The following NRCAM variants were observed in gnomAD, a reference collection of about 807,000 sequenced individuals.
The protein encoded by NRCAM is neuronal cell adhesion molecule, also known as NgCAM-related cell adhesion molecule.
In NRCAM, 83 loss-of-function variants were observed where a neutral mutation model predicts 156.5. The ratio of observed to expected loss-of-function variants is 0.53; its 90% confidence interval spans 0.44 to 0.64. The LOEUF (loss-of-function observed/expected upper bound fraction) is 0.64, where lower values mean the gene tolerates loss of function less well. NRCAM is among the 30% of genes least tolerant of loss of function. The probability of loss-of-function intolerance (pLI) is 0.00; values close to 1 mark genes in which losing one functional copy is unlikely to be tolerated. For missense variants in NRCAM, 1,417 were observed against 1,597.3 expected (o/e 0.89, Z 1.92); for synonymous variants, 538 against 563.9 (o/e 0.95, Z 0.65).
At chr7:108,374,494 A>G (rs559335723) in intron 2 of NRCAM, among the ~76,000 whole-genome samples, 10 of 152,274 alleles carry the variant, frequency 6.6e-5, no homozygotes, top group African/African-American at 2.4e-4. Flanking sequence ...TGTTCCCAGA[A>G]TGAACAACAG....
intron 3 of NRCAM, among the ~76,000 whole-genome samples, chr7:108,302,168 C>A (rs2098635725): frequency 6.6e-6 from 1 of 152,046 alleles, no homozygotes; most frequent in South Asian, 2.1e-4. Context: ...GTTATTGCTT[C>A]AAAAAATGTT....
intron 2 of NRCAM, among the ~76,000 whole-genome samples, chr7:108,325,831 G>A (rs2099062911): frequency 6.6e-6 from 1 of 152,026 alleles, no homozygotes. Flanking sequence ...AGAGTGATCA[G>A]ATAAGTGTTA....
Position 108,439,706 on chromosome 7 carries a change from T to C in NRCAM, c.-332+16537A>G, listed in dbSNP as rs187523039. Among the ~76,000 whole-genome samples the C allele has an allele frequency of 1.6e-3, 236 of 151,894 alleles. 1 individual carries two copies. The Middle Eastern group carries it at 0.024, about 15-fold the overall frequency. On this transcript the variant is annotated intron_variant, in intron 1 of 32. Transcript: ENST00000379028. ...AAAATTAGCTGGCTGTGGTGGTGCA[T>C]GCCTGTAATCCCAGCTACTAGGGAG...
intron 2 of NRCAM, among the ~76,000 whole-genome samples, chr7:108,392,547 C>T (rs1006951851): frequency 2.6e-5 from 4 of 152,038 alleles, no homozygotes; most frequent in Admixed American, 6.6e-5. Context: ...GAAGTTTGAT[C>T]GTCTGAAGCC....
chr7:108,349,195 G>A (rs539059185), intron 2 of NRCAM, among the ~76,000 whole-genome samples: 24 of 152,070 alleles, frequency 1.6e-4, no homozygotes, highest in Non-Finnish European at 2.6e-4. Context: ...ACTGCTCTGA[G>A]CCTCTCAGCA....
intron 2 of NRCAM, among the ~76,000 whole-genome samples, chr7:108,343,847 A>G (rs1393210440): frequency 1.3e-5 from 2 of 152,196 alleles, no homozygotes; most frequent in African/African-American, 4.8e-5. Context: ...ACTACACACC[A>G]TACATTTCAA....
intron 1 of NRCAM, among the ~76,000 whole-genome samples, chr7:108,431,441 A>G (rs1289163750): frequency 1.3e-5 from 2 of 152,216 alleles, no homozygotes; most frequent in Non-Finnish European, 2.9e-5. Context: ...AGTTTTGATC[A>G]TGATTCATAA....
intron 2 of NRCAM, chr7:108,313,365 TAA>T (rs1330561673): frequency 6.6e-6 from 1 of 152,184 alleles, no homozygotes; most frequent in Non-Finnish European, 1.5e-5. Context: ...CTGAGCACAT[TAA>T]GTTTCATTTT....
Position 108,231,169 on chromosome 7 carries a change from A to G in NRCAM, c.428-16T>C. On this transcript the variant is annotated splice_polypyrimidine_tract_variant and intron_variant, in intron 7 of 32. Transcript: ENST00000379028. ...AATGGTGATCCTATTAAATAAAAAA[A>G]TAACTTCTCAGTTATTTCTGCATTG... is the stretch of plus-strand genomic sequence containing the variant. The G allele has an allele frequency of 6.4e-7, 1 of 1,557,984 alleles. No homozygotes were observed. Among genetic ancestry groups the G allele is most frequent in the Non-Finnish European group, 8.6e-7 (1 of 1,159,002 alleles).
At position 108,209,573 on chromosome 7, in the gene NRCAM, T is replaced by C. The variant is rs1214050543; in HGVS notation, c.923A>G (p.Asp308Gly). ...TGTCCTGTTTTTGGGTAGCATTCCA[T>C]CTTCCTTTGCCCAGTAAATAATTGG... ...PTPIIYWAKEDGMLPKNRTVY... is the reference protein window; with the variant it reads ...PTPIIYWAKEGGMLPKNRTVY... Residue 308 changes from aspartate to glycine, a missense_variant, in exon 12 of 33, where the codon GAT (aspartate) becomes GGT (glycine). Physicochemically the swap from Asp to Gly is moderately conservative, Grantham distance 94. This residue lies in a region of NRCAM where 1,238 missense variants were observed against 1,336.4 expected (regional missense o/e 0.93). Coordinates refer to ENST00000379028, the MANE Select transcript of NRCAM (RefSeq NM_001037132.4). 6.2e-7 allele frequency: 1 copy of C among 1,610,794 alleles called. No homozygotes were observed. The highest frequency in any genetic ancestry group is 8.5e-7 in the Non-Finnish European group (1 of 1,178,952).
intron 3 of NRCAM, among the ~76,000 whole-genome samples, chr7:108,248,635 G>A (rs2096125831): frequency 6.6e-6 from 1 of 152,094 alleles, no homozygotes; most frequent in Admixed American, 6.5e-5. Flanking sequence ...TGACAGAGGT[G>A]CCACCATTTT....
At chr7:108,353,638 T>A (rs2099447816) in intron 2 of NRCAM, among the ~76,000 whole-genome samples, 1 of 152,246 alleles carries the variant, frequency 6.6e-6, no homozygotes, top group East Asian at 1.9e-4. Context: ...TTCTTCTGTA[T>A]GATTTATTGT....
At chr7:108,348,045 T>C (rs2099381590) in intron 2 of NRCAM, among the ~76,000 whole-genome samples, 1 of 152,250 alleles carries the variant, frequency 6.6e-6, no homozygotes, top group Admixed American at 6.5e-5. Flanking sequence ...CAGCATTCTG[T>C]ATTCATCTTT....
chr7:108,455,183 G>C (rs1476495391), intron 1 of NRCAM, among the ~76,000 whole-genome samples: 1 of 152,118 alleles, frequency 6.6e-6, no homozygotes, highest in Non-Finnish European at 1.5e-5. Context: ...CGACTCCCTT[G>C]CTCACCCTAC....
intron 3 of NRCAM, among the ~76,000 whole-genome samples, chr7:108,257,257 T>C (rs2096720826): frequency 6.6e-6 from 1 of 152,154 alleles, no homozygotes; most frequent in Non-Finnish European, 1.5e-5. Context: ...TCATGTTCTG[T>C]AGCTAGATTG....
At chr7:108,253,195 A>G (rs949556756) in intron 3 of NRCAM, among the ~76,000 whole-genome samples, 10 of 152,266 alleles carry the variant, frequency 6.6e-5, no homozygotes, top group African/African-American at 1.9e-4. Context: ...TGAATTCAAC[A>G]TAATTCACGC....
intron 1 of NRCAM, among the ~76,000 whole-genome samples, chr7:108,407,359 T>A (rs1283851729): frequency 9.2e-5 from 14 of 152,234 alleles, no homozygotes; most frequent in Non-Finnish European, 1.2e-4. Context: ...TGACTTTTTA[T>A]ATGATTTTTT....
At chr7:108,179,426 T>C (rs2062325122) in intron 25 of NRCAM, among the ~76,000 whole-genome samples, 1 of 152,228 alleles carries the variant, frequency 6.6e-6, no homozygotes, top group African/African-American at 2.4e-5. Context: ...TGTGAACTTC[T>C]TTTATCAAAA....
intron 2 of NRCAM, among the ~76,000 whole-genome samples, chr7:108,347,292 T>G (rs1443496246): frequency 6.6e-6 from 1 of 152,140 alleles, no homozygotes; most frequent in Non-Finnish European, 1.5e-5. Context: ...CGCCTCGGCC[T>G]CCCAAAGTGC....
Sources: allele counts gnomAD v4.1 joint callset (sites outside exome capture counted in the v4.1 genomes callset), GRCh38; gene constraint gnomAD v4.1.1; regional missense constraint gnomAD v4.1.1; transcripts MANE v1.5; gene names NCBI Gene and HGNC (gene_info 2026-07-23, HGNC 2026-07-21).